The following SAFB2 variants were observed in gnomAD, a reference collection of about 807,000 sequenced individuals.
The protein encoded by SAFB2 is scaffold attachment factor B2.
In SAFB2, 32 loss-of-function variants were observed where a neutral mutation model predicts 100.6. The observed-to-expected ratio is 0.32, with a 90% CI of 0.24 to 0.43. SAFB2 has a LOEUF of 0.43. SAFB2 is among the 20% of genes least tolerant of loss of function. The pLI, the probability that SAFB2 is intolerant of heterozygous loss-of-function variation, is 1.00. For synonymous variants in SAFB2, 500 were observed against 439.4 expected, an observed-to-expected ratio of 1.14 and a Z score of -1.72; for missense variants, 1,185 against 1,163.4, an observed-to-expected ratio of 1.02 and a Z score of -0.27.
chr19:5,605,111 C>CTT (rs1187608417), intron 9 of SAFB2, among the ~76,000 whole-genome samples, 175 bp from the exon 10 acceptor site: 3 of 144,548 alleles, frequency 2.1e-5, no homozygotes, highest in African/African-American at 5.0e-5. Flanking sequence ...AATACAATTG[C>CTT]TTTTTTTTTT....
chr19:5,617,643 T>G (rs2053060385), intron 2 of SAFB2, among the ~76,000 whole-genome samples: 1 of 152,030 alleles, frequency 6.6e-6, no homozygotes, highest in Non-Finnish European at 1.5e-5. Context: ...TTGTTAGTGG[T>G]CATGACCTGG....
At chr19:5,589,439 A>G (rs192352964) in intron 18 of SAFB2, among the ~76,000 whole-genome samples, 1 of 152,024 alleles carries the variant, frequency 6.6e-6, no homozygotes, top group Non-Finnish European at 1.5e-5. Flanking sequence ...GGAGGGATGG[A>G]ACGGGGGAGC....
chr19:5,621,205 GTA>G, intron 2 of SAFB2, 102 bp downstream of exon 2: 1 of 779,812 alleles, frequency 1.3e-6, no homozygotes, highest in Non-Finnish European at 2.3e-6. Context: ...GGGACACCGA[GTA>G]CCAGAGAAAT....
chr19:5,590,229 C>G, intron 18 of SAFB2, 49 bp downstream of exon 18: 2 of 1,257,154 alleles, frequency 1.6e-6, no homozygotes, highest in East Asian at 3.7e-5. Context: ...CCAACCTTTT[C>G]CCAGGTTAGG....
intron 16 of SAFB2, 27 bp downstream of exon 16, chr19:5,592,720 G>A (rs373008633): frequency 6.2e-6 from 10 of 1,612,908 alleles, no homozygotes; most frequent in African/African-American, 5.3e-5. Flanking sequence ...AATGACTGTA[G>A]CTAAAGGAGG....
Position 5,594,170 on chromosome 19 carries a change from T to A in SAFB2, c.1928A>T (p.Glu643Val). Residue 643 changes from glutamate to valine, a missense_variant, in exon 15 of 21, where the codon GAG (glutamate) becomes GTG (valine). Glu to Val is a moderately radical substitution (Grantham distance 121, BLOSUM62 -2). This residue lies in a region of SAFB2 where 740 missense variants were observed against 687.1 expected (regional missense o/e 1.08). Coordinates refer to ENST00000252542, the MANE Select transcript of SAFB2 (RefSeq NM_014649.3). ...GAGGCGTTGCTCCCGCTCCCGCTGCTCGCGCTCCCTGCGGGGACAGGTGAG... is the reference window on the plus strand; with the variant it reads ...GAGGCGTTGCTCCCGCTCCCGCTGCACGCGCTCCCTGCGGGGACAGGTGAG... ...IRETERRRER[E>V]QREREQRLEA... 6.3e-7 allele frequency: 1 copy of A among 1,594,278 alleles called. No homozygotes were observed. The highest frequency in any genetic ancestry group is 1.1e-5 in the South Asian group (1 of 89,874).
chr19:5,589,887 C>T (rs562310508), intron 18 of SAFB2, among the ~76,000 whole-genome samples: 1 of 152,078 alleles, frequency 6.6e-6, no homozygotes, highest in Admixed American at 6.5e-5. Flanking sequence ...AGAAAAAACC[C>T]GAGGAAGACA....
At chr19:5,616,073 G>C (rs764839747) in intron 4 of SAFB2, 59 bp downstream of exon 4, 5 of 1,509,054 alleles carry the variant, frequency 3.3e-6, no homozygotes, top group Non-Finnish European at 3.7e-6. Flanking sequence ...CGAGCAGCAC[G>C]CGAGCACCAG....
At chr19:5,590,950 C>T (rs2052384789) in intron 17 of SAFB2, among the ~76,000 whole-genome samples, 1 of 152,248 alleles carries the variant, frequency 6.6e-6, no homozygotes, top group African/African-American at 2.4e-5. Flanking sequence ...CACCCTGCCA[C>T]CACGCACGGG....
At chr19:5,621,530 G>C in intron 1 of SAFB2, 134 bp from the exon 2 acceptor site, 1 of 694,894 alleles carries the variant, frequency 1.4e-6, no homozygotes, top group East Asian at 2.6e-5. Context: ...AGCTATCTGG[G>C]CCGCAAGCCC....
At chr19:5,590,186 G>C (rs1484530292) in intron 18 of SAFB2, 92 bp downstream of exon 18, 7 of 1,217,542 alleles carry the variant, frequency 5.7e-6, no homozygotes, top group Non-Finnish European at 7.7e-6. Context: ...TCCCCTAGCT[G>C]AATCAAACCT....
At position 5,592,880 on chromosome 19, in the gene SAFB2, C is replaced by T. The variant is rs1425413785; in HGVS notation, c.2215G>A (p.Asp739Asn). Residue 739 changes from aspartate to asparagine, a missense_variant, in exon 16 of 21, where the codon GAT (aspartate) becomes AAT (asparagine). Coordinates refer to ENST00000252542, the MANE Select transcript of SAFB2 (RefSeq NM_014649.3). ...RRPYDLDRRDDAYWPEGKRVA... is the reference protein window; with the variant it reads ...RRPYDLDRRDNAYWPEGKRVA... ...CGCTTTCCTTCTGGCCAATAGGCAT[C>T]ATCTCGTCTGTTGGTTTTTATTTTA... 1.9e-6 allele frequency: 3 copies of T among 1,613,806 alleles called. No individual in the cohort carries two copies. Among genetic ancestry groups the T allele is most frequent in the Non-Finnish European group, 2.5e-6 (3 of 1,179,900 alleles).
At chr19:5,590,641 G>A (rs2052376543) in intron 17 of SAFB2, among the ~76,000 whole-genome samples, 1 of 152,172 alleles carries the variant, frequency 6.6e-6, no homozygotes, top group African/African-American at 2.4e-5. Context: ...TGCCCCAGGA[G>A]CCAGGGCACC....
chr19:5,619,392 G>A (rs2053096844), intron 2 of SAFB2, among the ~76,000 whole-genome samples: 1 of 152,188 alleles, frequency 6.6e-6, no homozygotes, highest in African/African-American at 2.4e-5. Flanking sequence ...CCTTTTTATA[G>A]CAACAGAAGA....
intron 12 of SAFB2, 54 bp downstream of exon 12, chr19:5,600,076 T>TCC: frequency 1.3e-6 from 2 of 1,574,868 alleles, no homozygotes; most frequent in Non-Finnish European, 1.7e-6. Context: ...GAACCCCCAC[T>TCC]CCCCACCCGT....
chr19:5,606,336 C>A (rs2052774127), intron 9 of SAFB2, among the ~76,000 whole-genome samples: 1 of 152,184 alleles, frequency 6.6e-6, no homozygotes, highest in Non-Finnish European at 1.5e-5. Flanking sequence ...AAAAAATTAC[C>A]AGGCACAGGC....
Position 5,590,279 on chromosome 19 carries a change from TG to T in SAFB2, c.2523del (p.Arg842GlyfsTer13). On this transcript the variant is annotated frameshift_variant and splice_region_variant, in exon 18 of 21. Coordinates refer to ENST00000252542, the MANE Select transcript of SAFB2 (RefSeq NM_014649.3). LOFTEE classifies it high-confidence loss of function. ...CCCGGCTGGGGCTCACCCACTAACC[TG>T]GGGGGAGGGGGCAGCCCCCGGCCTT... is the stretch of plus-strand genomic sequence containing the variant. ...LSEGRGLPPP[P>X]RGGRDWGEHN... is the part of the protein sequence containing the mutation. 3.9e-6 allele frequency: 6 copies of T among 1,548,108 alleles called. No homozygotes were observed. Among genetic ancestry groups the T allele is most frequent in the Non-Finnish European group, 5.3e-6 (6 of 1,142,268 alleles).
At chr19:5,620,650 T>C (rs1223497885) in intron 2 of SAFB2, among the ~76,000 whole-genome samples, 1 of 152,158 alleles carries the variant, frequency 6.6e-6, no homozygotes, top group African/African-American at 2.4e-5. Flanking sequence ...CATGGATTAG[T>C]AGTTGCCAGG....
At chr19:5,592,717 G>A in intron 16 of SAFB2, 30 bp downstream of exon 16, 1 of 1,612,350 alleles carries the variant, frequency 6.2e-7, no homozygotes, top group South Asian at 1.1e-5. Context: ...CACAATGACT[G>A]TAGCTAAAGG....
Sources: gnomAD v4.1 joint callset for allele counts (sites outside exome capture counted in the v4.1 genomes callset) on GRCh38, gnomAD v4.1.1 for gene constraint, gnomAD v4.1.1 regional missense constraint, MANE v1.5 for transcripts, NCBI Gene and HGNC (gene_info 2026-07-23, HGNC 2026-07-21) for gene names.